GRID1: variants seen among roughly 807,000 people sequenced by gnomAD.
The protein encoded by GRID1 is glutamate receptor ionotropic, delta-1.
GRID1 carries 28 observed loss-of-function variants against 98.0 expected under a neutral mutation model. That is an observed-to-expected ratio of 0.29 (90% CI 0.21 to 0.39). The LOEUF is 0.39. Ranked by LOEUF, GRID1 falls within the 10% of genes least tolerant of loss-of-function variation. The pLI is 1.00. For missense variants in GRID1, 1,111 were observed against 1,340.5 expected, an observed-to-expected ratio of 0.83 and a Z score of 2.67; for synonymous variants, 553 against 538.5, an observed-to-expected ratio of 1.03 and a Z score of -0.37.
intron 13 of GRID1, among the ~76,000 whole-genome samples, chr10:85,634,578 T>C (rs1042990945): frequency 6.6e-6 from 1 of 152,190 alleles, no homozygotes; most frequent in Non-Finnish European, 1.5e-5. Context: ...TTTGCATTCC[T>C]TATTTGCAAA....
At chr10:86,069,596 C>T (rs1357424855) in intron 4 of GRID1, among the ~76,000 whole-genome samples, 4 of 152,000 alleles carry the variant, frequency 2.6e-5, no homozygotes, top group Non-Finnish European at 4.4e-5. Context: ...GGCAGTGAGC[C>T]GAGATCGCAC....
intron 3 of GRID1, among the ~76,000 whole-genome samples, chr10:86,149,918 G>GTCCCTTTGATTTGCAAT (rs1845139727): frequency 6.6e-6 from 1 of 152,124 alleles, no homozygotes; most frequent in Admixed American, 6.5e-5. Context: ...GCAATAAATA[G>GTCCCTTTGATTTGCAAT]TCCCTTTGAT....
At chr10:85,656,408 G>T (rs1418574896) in intron 12 of GRID1, among the ~76,000 whole-genome samples, 3 of 152,088 alleles carry the variant, frequency 2.0e-5, no homozygotes, top group African/African-American at 7.2e-5. Context: ...CAGGACTTTT[G>T]CCACAATCTC....
chr10:85,999,323 TAA>T (rs1842778311), intron 4 of GRID1, among the ~76,000 whole-genome samples: 4 of 147,066 alleles, frequency 2.7e-5, no homozygotes, highest in African/African-American at 1.0e-4. Context: ...GTAACACAGT[TAA>T]AAGTTTTCCA....
chr10:86,166,862 T>G (rs1845406860), intron 3 of GRID1, among the ~76,000 whole-genome samples: 1 of 152,124 alleles, frequency 6.6e-6, no homozygotes, highest in South Asian at 2.1e-4. Flanking sequence ...CCTCCTTACC[T>G]CCCAAACAGT....
intron 12 of GRID1, among the ~76,000 whole-genome samples, chr10:85,652,788 T>G (rs1457973673): frequency 1.3e-5 from 2 of 152,154 alleles, no homozygotes; most frequent in Non-Finnish European, 2.9e-5. Flanking sequence ...CTGTCACCCA[T>G]GCAGGGGAAG....
At chr10:85,685,144 T>C (rs945113668) in intron 12 of GRID1, among the ~76,000 whole-genome samples, 4 of 152,208 alleles carry the variant, frequency 2.6e-5, no homozygotes, top group South Asian at 4.1e-4. Flanking sequence ...AGATCATGAT[T>C]TTCGCAAATG....
chr10:85,687,986 T>G (rs1841288836), intron 12 of GRID1, among the ~76,000 whole-genome samples: 1 of 152,178 alleles, frequency 6.6e-6, no homozygotes, highest in Non-Finnish European at 1.5e-5. Context: ...ATGAGAATAG[T>G]GCTGGGAAAT....
At chr10:86,186,418 C>A (rs1478513555) in intron 3 of GRID1, among the ~76,000 whole-genome samples, 1 of 152,130 alleles carries the variant, frequency 6.6e-6, no homozygotes, top group African/African-American at 2.4e-5. Flanking sequence ...TCATCATTTT[C>A]CACTCTAATC....
chr10:85,706,764 A>C (rs1456041833), intron 12 of GRID1, among the ~76,000 whole-genome samples: 1 of 152,194 alleles, frequency 6.6e-6, no homozygotes, highest in South Asian at 2.1e-4. Flanking sequence ...CAAAACAGAG[A>C]TATAGATCAA....
At chr10:85,633,272 T>C (rs186433054) in intron 13 of GRID1, among the ~76,000 whole-genome samples, 110 of 152,252 alleles carry the variant, frequency 7.2e-4, no homozygotes, top group African/African-American at 2.4e-3. Context: ...CTGATAAGAC[T>C]TGGTATTATT....
At chr10:86,230,362 T>A (rs1281007730) in intron 2 of GRID1, among the ~76,000 whole-genome samples, 2 of 152,172 alleles carry the variant, frequency 1.3e-5, no homozygotes, top group Non-Finnish European at 2.9e-5. Context: ...GAAATGAGTC[T>A]CCAGTGGGGA....
rs559818129 is a variant in GRID1 at position 85,809,047 on chromosome 10, A to G, written c.1233+45449T>C. Among the ~76,000 whole-genome samples, 3 of 152,270 alleles carry G rather than the reference A, an allele frequency of 2.0e-5. No individual in the cohort carries two copies. The East Asian group carries it at 5.8e-4, about 29-fold the overall frequency. On this transcript the variant is annotated intron_variant, in intron 8 of 15. Coordinates refer to ENST00000327946, the MANE Select transcript of GRID1 (RefSeq NM_017551.3). ...AAATTTGAACAAATAATTTAAATCC[A>G]CAAAAAATTATAAATACAGTCGAGA...
At chr10:85,892,429 T>C (rs1484128333) in intron 5 of GRID1, among the ~76,000 whole-genome samples, 9 of 150,512 alleles carry the variant, frequency 6.0e-5, no homozygotes, top group African/African-American at 1.5e-4. Flanking sequence ...AAAGAAAAAA[T>C]CCTAAAAGCA....
intron 12 of GRID1, among the ~76,000 whole-genome samples, chr10:85,694,910 A>G (rs1841377197): frequency 1.3e-5 from 2 of 151,990 alleles, no homozygotes; most frequent in South Asian, 4.1e-4. Flanking sequence ...CTTCACCACT[A>G]CACAAGATAG....
chr10:85,772,552 T>C (rs1412262727), intron 8 of GRID1, among the ~76,000 whole-genome samples: 1 of 151,784 alleles, frequency 6.6e-6, no homozygotes, highest in South Asian at 2.1e-4. Context: ...TTTGAAAGGA[T>C]CAACAAAACT....
chr10:85,617,241 A>AT (rs894499748), intron 14 of GRID1, among the ~76,000 whole-genome samples: 6 of 111,702 alleles, frequency 5.4e-5, no homozygotes, highest in Non-Finnish European at 1.1e-4. Context: ...CCCCCCTTTT[A>AT]TTTTTTTTGA....
chr10:85,716,926 T>TTGGTTGCCAGAGAATGG (rs1164907093), intron 12 of GRID1, among the ~76,000 whole-genome samples: 3 of 152,048 alleles, frequency 2.0e-5, no homozygotes, highest in Non-Finnish European at 4.4e-5. Context: ...GGAGAGTTTA[T>TTGGTTGCCAGAGAATGG]TGGTTGCCAG....
At chr10:86,333,297 C>T (rs1330410257) in intron 2 of GRID1, among the ~76,000 whole-genome samples, 1 of 152,230 alleles carries the variant, frequency 6.6e-6, no homozygotes, top group Non-Finnish European at 1.5e-5. Context: ...GGAAGCCTTC[C>T]CTAACTTCAC....
Sources: gnomAD v4.1 joint callset for allele counts (sites outside exome capture counted in the v4.1 genomes callset) on GRCh38, gnomAD v4.1.1 for gene constraint, MANE v1.5 for transcripts, NCBI Gene and HGNC (gene_info 2026-07-23, HGNC 2026-07-21) for gene names.